CERS3: variants seen among roughly 807,000 people sequenced by gnomAD.
The protein encoded by CERS3 is ceramide synthase 3, also known as LAG1 homolog, ceramide synthase 3.
Under a neutral mutation model 50.3 loss-of-function variants are expected in CERS3, and 33 were observed. The ratio of observed to expected loss-of-function variants is 0.66; its 90% CI spans 0.50 to 0.88. The LOEUF (loss-of-function observed/expected upper bound fraction) is 0.88. Ranked by LOEUF, CERS3 falls within the 40% of genes least tolerant of loss-of-function variation. CERS3 has a pLI of 0.00. For synonymous variants in CERS3, 176 were observed against 155.2 expected (o/e 1.13, Z -0.99); for missense variants, 470 against 460.3 (o/e 1.02, Z -0.19).
rs776179748 is a variant in CERS3, at chr15:100,455,971, C to T, written c.921G>A (p.Gln307=). The change falls in exon 11 of 12, where the codon CAG becomes CAA. Residue 307 remains glutamine (Q), a synonymous_variant. Transcript: ENST00000679737. ...PFFSYIFLNL[Q]LMILQVLHLY... ...GGTGAAGGACCTGCAAGATCATGAG[C>T]TGTAGGTTGAGGAAGATGTATGAAA... 1 of 1,612,538 alleles carries T rather than the reference C, an allele frequency of 6.2e-7. No individual in the cohort carries two copies. Among genetic ancestry groups the T allele is most frequent in the African/African-American group, 1.3e-5 (1 of 74,854 alleles).
chr15:100,438,629 C>A (rs376585093), intron 11 of CERS3, among the ~76,000 whole-genome samples: 46 of 152,312 alleles, frequency 3.0e-4, no homozygotes, highest in African/African-American at 1.1e-3. Context: ...TTGGTTTCCT[C>A]ATGTTTGTTA....
chr15:100,503,864 C>T (rs1415594275), intron 2 of CERS3: 4 of 415,612 alleles, frequency 9.6e-6, no homozygotes, highest in South Asian at 3.4e-5. Flanking sequence ...GGATGCAAAT[C>T]GGGTAGAGGA....
intron 2 of CERS3, among the ~76,000 whole-genome samples, chr15:100,503,168 G>C (rs375465144): frequency 6.6e-6 from 1 of 151,556 alleles, no homozygotes; most frequent in East Asian, 1.9e-4. Context: ...TCACAACAAG[G>C]TTGTCAAAAT....
At chr15:100,536,383 C>G (rs1398475897) in intron 1 of CERS3, among the ~76,000 whole-genome samples, 1 of 152,136 alleles carries the variant, frequency 6.6e-6, no homozygotes, top group Non-Finnish European at 1.5e-5. Context: ...CTCCTGGGCT[C>G]AAGGGATCCT....
At chr15:100,434,588 G>A (rs569292771) in intron 11 of CERS3, among the ~76,000 whole-genome samples, 2 of 152,202 alleles carry the variant, frequency 1.3e-5, no homozygotes, top group South Asian at 2.1e-4. Flanking sequence ...AGTAGGGGTG[G>A]GGAGATGGCC....
At chr15:100,423,273 T>C (rs1240663930) in intron 11 of CERS3, among the ~76,000 whole-genome samples, 1 of 152,096 alleles carries the variant, frequency 6.6e-6, no homozygotes. Context: ...ACTGGGTATA[T>C]ACCCAAAGAA....
chr15:100,498,341 TGAA>T (rs1451734520), intron 3 of CERS3, among the ~76,000 whole-genome samples: 2 of 152,150 alleles, frequency 1.3e-5, no homozygotes, highest in Non-Finnish European at 2.9e-5. Flanking sequence ...AAATCTATTT[TGAA>T]GAAGGAGAGA....
intron 5 of CERS3, among the ~76,000 whole-genome samples, chr15:100,483,719 G>C (rs1197956604): frequency 6.6e-6 from 1 of 151,006 alleles, no homozygotes; most frequent in Non-Finnish European, 1.5e-5. Flanking sequence ...AAACAGGATA[G>C]CCCCAACTTC....
chr15:100,477,481 T>C (rs578232182), intron 7 of CERS3, among the ~76,000 whole-genome samples: 1 of 152,268 alleles, frequency 6.6e-6, no homozygotes, highest in East Asian at 1.9e-4. Flanking sequence ...AGAAAGAATG[T>C]CTGTTTGAAG....
chr15:100,497,911 T>TTTGAGATGGAGTCTCACTC (rs2035877968), intron 3 of CERS3, among the ~76,000 whole-genome samples: 2 of 144,722 alleles, frequency 1.4e-5, no homozygotes, highest in East Asian at 2.0e-4. Context: ...TTTTTTTTTT[T>TTTGAGATGGAGTCTCACTC]TGAGATGGAG....
intron 1 of CERS3, among the ~76,000 whole-genome samples, chr15:100,526,271 G>A (rs76783468): frequency 0.062 from 9,500 of 152,278 alleles, 423 homozygotes; most frequent in Non-Finnish European, 0.1. Flanking sequence ...CCATAAATTC[G>A]TGTTGGGGAG....
intron 2 of CERS3, among the ~76,000 whole-genome samples, chr15:100,514,193 G>C (rs948903141): frequency 6.6e-6 from 1 of 152,164 alleles, no homozygotes; most frequent in Non-Finnish European, 1.5e-5. Flanking sequence ...GTGGGTAAAT[G>C]CTTGTAAATC....
intron 3 of CERS3, among the ~76,000 whole-genome samples, chr15:100,501,236 T>G (rs542464072): frequency 1.3e-5 from 2 of 152,220 alleles, no homozygotes; most frequent in Non-Finnish European, 2.9e-5. Flanking sequence ...AATATTTGGT[T>G]TAGACTTTAA....
At position 100,418,745 on chromosome 15, in the gene CERS3, C is replaced by A. The variant is rs1246223106; in HGVS notation, c.1000-15880G>T. ...AACAGCAGATCTCTCGGCAGAAACC[C>A]TACAAGCCAGAAGAGAGTGGGGGCC... On this transcript the variant is annotated intron_variant, in intron 11 of 11. Transcript: ENST00000679737. Among the ~76,000 whole-genome samples the A allele has an allele frequency of 1.8e-4, 25 of 137,384 alleles. No homozygotes were observed. In the South Asian group the frequency reaches 5.2e-3, roughly 28 times the overall value. 90.1% of individuals were successfully genotyped at this position (137,384 alleles called of 152,430 possible).
Position 100,472,984 on chromosome 15 carries a change from A to G in CERS3, c.678T>C (p.Asn226=). Residue 226 remains asparagine (N), a synonymous_variant, in exon 9 of 12, where the codon AAT becomes AAC. Coordinates refer to ENST00000679737, the MANE Select transcript of CERS3 (RefSeq NM_001378789.1). The stretch of plus-strand genomic sequence containing the variant: ...TCACGAGGGTCCCACTGCGAATATA[A>G]TTAGCACACCAAGAGAAGCTCATCA... The part of the protein sequence containing the change: ...ISLMSFSWCA[N]YIRSGTLVMI... The G allele has an allele frequency of 6.2e-7, 1 of 1,614,062 alleles. No individual in the cohort carries two copies. Among genetic ancestry groups the G allele is most frequent in the East Asian group, 2.2e-5 (1 of 44,872 alleles).
intron 2 of CERS3, among the ~76,000 whole-genome samples, chr15:100,506,464 C>CCCA (rs1555533158): frequency 6.8e-5 from 1 of 14,772 alleles, no homozygotes; most frequent in Non-Finnish European, 4.2e-4. Context: ...AATCGGGACC[C>CCCA]CCCCGCCGCC....
rs1267906519 is a variant in CERS3 at position 100,483,781 on chromosome 15, A to ATTTTTTTTTTTTTTT, written c.407+768_407+769insAAAAAAAAAAAAAAA. Among the ~76,000 whole-genome samples the ATTTTTTTTTTTTTTT allele has an allele frequency of 1.2e-4, 9 of 77,614 alleles. 1 individual carries two copies. Among genetic ancestry groups the ATTTTTTTTTTTTTTT allele is most frequent in the East Asian group, 1.1e-3 (3 of 2,776 alleles). The allele number at this position is 77,614 out of a possible 152,430, so 50.9% of individuals were successfully genotyped here. On this transcript the variant is annotated intron_variant, in intron 5 of 11. Transcript: ENST00000679737. ...AGGATCAATAATAATAATAATTATT[A>ATTTTTTTTTTTTTTT]TTATTATTTTTTTTTTTGAGACAGA... is the stretch of plus-strand genomic sequence containing the variant.
At chr15:100,514,166 G>C (rs1369213669) in intron 2 of CERS3, among the ~76,000 whole-genome samples, 1 of 152,138 alleles carries the variant, frequency 6.6e-6, no homozygotes, top group Non-Finnish European at 1.5e-5. Context: ...TCCCTGCAGG[G>C]TTGTTAGAAT....
At chr15:100,408,657 C>T (rs947909855) in intron 11 of CERS3, 11 of 152,112 alleles carry the variant, frequency 7.2e-5, no homozygotes, top group African/African-American at 9.6e-5. Flanking sequence ...GATTTCCCTG[C>T]GGTAAGAGTT....
Sources: gnomAD v4.1 joint callset for allele counts (sites outside exome capture counted in the v4.1 genomes callset) on GRCh38, gnomAD v4.1.1 for gene constraint, MANE v1.5 for transcripts, NCBI Gene and HGNC (gene_info 2026-07-23, HGNC 2026-07-21) for gene names.